ERBB4: variants seen among roughly 807,000 people sequenced by gnomAD.
ERBB4 encodes receptor tyrosine-protein kinase erbB-4.
A neutral mutation model predicts 158.0 loss-of-function variants in ERBB4; 42 were observed. The observed-to-expected ratio is 0.27, with a 90% confidence interval of 0.21 to 0.34. The LOEUF (loss-of-function observed/expected upper bound fraction) is 0.34, where lower values mean the gene tolerates loss of function less well. Among genes scored for constraint, ERBB4 ranks in the 10% least tolerant of loss-of-function variants. ERBB4 has a pLI of 1.00. For missense variants in ERBB4, 1,333 were observed against 1,624.1 expected (o/e 0.82, Z 3.08); for synonymous variants, 583 against 558.7 (o/e 1.04, Z -0.61).
At chr2:211,672,215 A>C (rs2071870799) in intron 14 of ERBB4, among the ~76,000 whole-genome samples, 1 of 152,136 alleles carries the variant, frequency 6.6e-6, no homozygotes. Flanking sequence ...TACTATTTAA[A>C]TTTTCAATGA....
chr2:211,921,175 T>C (rs1483469686), intron 3 of ERBB4, among the ~76,000 whole-genome samples: 1 of 152,102 alleles, frequency 6.6e-6, no homozygotes, highest in Non-Finnish European at 1.5e-5. Flanking sequence ...GATTGGTTCC[T>C]TTCTTTGTCA....
intron 7 of ERBB4, among the ~76,000 whole-genome samples, chr2:211,720,999 C>T (rs1402942225): frequency 2.6e-5 from 4 of 152,182 alleles, no homozygotes; most frequent in African/African-American, 9.7e-5. Context: ...ATTGGTGTGT[C>T]TGGCCTGCAC....
chr2:212,211,405 A>G (rs2082928716), intron 1 of ERBB4, among the ~76,000 whole-genome samples: 1 of 152,132 alleles, frequency 6.6e-6, no homozygotes, highest in East Asian at 1.9e-4. Flanking sequence ...TCAAGGTTGC[A>G]ATTAATATCA....
intron 19 of ERBB4, among the ~76,000 whole-genome samples, chr2:211,607,888 T>TTTTTTTC (rs35895749): frequency 1.7e-5 from 2 of 118,872 alleles, no homozygotes; most frequent in Non-Finnish European, 3.5e-5. Context: ...TTTTTTTTTT[T>TTTTTTTC]AGACAGGGTC....
chr2:211,517,738 T>C (rs574460750), intron 20 of ERBB4, among the ~76,000 whole-genome samples: 1 of 152,220 alleles, frequency 6.6e-6, no homozygotes, highest in Admixed American at 6.5e-5. Flanking sequence ...AGACATGCAT[T>C]ATAGAGACAT....
chr2:211,606,381 A>G (rs552899675), intron 19 of ERBB4, among the ~76,000 whole-genome samples: 1 of 152,226 alleles, frequency 6.6e-6, no homozygotes, highest in East Asian at 1.9e-4. Flanking sequence ...ATTATAAGAG[A>G]AAATAACCAG....
intron 5 of ERBB4, among the ~76,000 whole-genome samples, chr2:211,746,647 G>T (rs1282800874): frequency 6.6e-6 from 1 of 151,940 alleles, no homozygotes; most frequent in East Asian, 1.9e-4. Flanking sequence ...TGACCAACAT[G>T]GCGAAACCCC....
At chr2:211,806,841 T>C (rs901785983) in intron 3 of ERBB4, among the ~76,000 whole-genome samples, 1 of 151,524 alleles carries the variant, frequency 6.6e-6, no homozygotes, top group Non-Finnish European at 1.5e-5. Flanking sequence ...GTTGCATGAA[T>C]GTAAAAATCA....
At chr2:211,781,963 A>T (rs981892939) in intron 4 of ERBB4, among the ~76,000 whole-genome samples, 1 of 152,134 alleles carries the variant, frequency 6.6e-6, no homozygotes, top group Non-Finnish European at 1.5e-5. Context: ...GGGTTTGCTG[A>T]CCAGCCATGT....
chr2:212,141,210 CTTAA>C (rs1397515070), intron 1 of ERBB4, among the ~76,000 whole-genome samples: 3 of 151,854 alleles, frequency 2.0e-5, no homozygotes, highest in Non-Finnish European at 4.4e-5. Context: ...GCGTTGTACT[CTTAA>C]TTGTTATGCA....
intron 25 of ERBB4, among the ~76,000 whole-genome samples, chr2:211,399,136 A>C (rs547810378): frequency 6.6e-6 from 1 of 152,286 alleles, no homozygotes; most frequent in East Asian, 1.9e-4. Context: ...CATTATATTT[A>C]ATTATTGATT....
chr2:211,712,209 A>G, intron 8 of ERBB4, 33 bp from the exon 9 acceptor site: 1 of 1,611,750 alleles, frequency 6.2e-7, no homozygotes. Flanking sequence ...TAGGGGATTG[A>G]GAAACTTATT....
Position 212,344,502 on chromosome 2 carries a change from G to A in ERBB4, c.82+193947C>T, listed in dbSNP as rs1258978893. Among the ~76,000 whole-genome samples the A allele has an allele frequency of 3.3e-5, 5 of 150,754 alleles. No homozygotes were observed. The East Asian group carries it at 9.7e-4, about 29-fold the overall frequency. On this transcript the variant is annotated intron_variant, in intron 1 of 27. Coordinates refer to ENST00000342788, the MANE Select transcript of ERBB4 (RefSeq NM_005235.3). ...TGTGTGTGTGTGTGTGTGTGTATAT[G>A]TGTGTGCATATATATGTATGTGTGT...
At chr2:212,044,112 A>G (rs7582903) in intron 2 of ERBB4, among the ~76,000 whole-genome samples, 89,446 of 151,842 alleles carry the variant, frequency 0.59, 29,512 homozygotes, top group East Asian at 0.93. Context: ...AGGGTCATAA[A>G]TTTAATTAGT....
At chr2:211,388,512 C>T (rs1047878222) in intron 25 of ERBB4, among the ~76,000 whole-genome samples, 1 of 151,882 alleles carries the variant, frequency 6.6e-6, no homozygotes, top group Non-Finnish European at 1.5e-5. Flanking sequence ...AAGGTAAACT[C>T]CTTAGTCTCT....
chr2:211,890,068 C>A (rs1467016160), intron 3 of ERBB4, among the ~76,000 whole-genome samples: 38 of 91,644 alleles, frequency 4.1e-4, no homozygotes, highest in Admixed American at 8.6e-4. Flanking sequence ...CACAAAGATA[C>A]TCCTCGAGAA....
At chr2:211,472,480 A>G (rs1403948813) in intron 20 of ERBB4, among the ~76,000 whole-genome samples, 2 of 151,650 alleles carry the variant, frequency 1.3e-5, no homozygotes, top group African/African-American at 4.8e-5. Flanking sequence ...ATAAAACGCT[A>G]TTATATTAAT....
chr2:211,600,855 A>G (rs1368537232), intron 19 of ERBB4, among the ~76,000 whole-genome samples: 1 of 152,152 alleles, frequency 6.6e-6, no homozygotes, highest in Non-Finnish European at 1.5e-5. Context: ...GTAATTTAGC[A>G]GCAGACAAAC....
At chr2:211,731,606 G>A (rs528646218) in intron 5 of ERBB4, among the ~76,000 whole-genome samples, 4 of 152,012 alleles carry the variant, frequency 2.6e-5, no homozygotes, top group Non-Finnish European at 5.9e-5. Flanking sequence ...TTAAAGATAG[G>A]AGGCTTGATG....
Sources: gnomAD v4.1 joint callset for allele counts (sites outside exome capture counted in the v4.1 genomes callset) on GRCh38, gnomAD v4.1.1 for gene constraint, MANE v1.5 for transcripts, NCBI Gene and HGNC (gene_info 2026-07-23, HGNC 2026-07-21) for gene names.